The following CADM2 variants were observed in gnomAD, a reference collection of about 807,000 sequenced individuals.
The protein encoded by CADM2 is cell adhesion molecule 2, also known as immunoglobulin superfamily member 4D.
CADM2 carries 12 observed loss-of-function variants against 49.8 expected under a neutral mutation model. The ratio of observed to expected loss-of-function variants is 0.24; its 90% confidence interval spans 0.15 to 0.39. The LOEUF is 0.39. Ranked by LOEUF, CADM2 falls within the 10% of genes least tolerant of loss-of-function variation. CADM2 has a pLI of 1.00. For missense variants in CADM2, 378 were observed against 492.3 expected (o/e 0.77, Z 2.20); for synonymous variants, 214 against 175.4 (o/e 1.22, Z -1.74).
At chr3:85,904,624 A>G (rs971642333) in intron 5 of CADM2, among the ~76,000 whole-genome samples, 3 of 152,132 alleles carry the variant, frequency 2.0e-5, no homozygotes, top group African/African-American at 7.2e-5. Context: ...GACCTTAAAT[A>G]TGTATGTGTG....
intron 1 of CADM2, among the ~76,000 whole-genome samples, chr3:85,347,348 C>G (rs952229979): frequency 6.9e-6 from 1 of 145,734 alleles, no homozygotes; most frequent in Admixed American, 6.9e-5. Context: ...GAAGCAAAAT[C>G]AAATAAAAAA....
At chr3:85,351,358 G>T (rs767311089) in intron 1 of CADM2, among the ~76,000 whole-genome samples, 2 of 152,108 alleles carry the variant, frequency 1.3e-5, no homozygotes, top group Admixed American at 6.6e-5. Context: ...GACATTAAAA[G>T]GATATCACAT....
rs137952199 is a variant in CADM2, at chr3:85,467,611, TA to T, written c.62-258901del. 4.1e-4 allele frequency among the ~76,000 whole-genome samples: 61 copies of T among 147,666 alleles called. 1 individual carries two copies. The highest frequency in any genetic ancestry group is 1.2e-3 in the African/African-American group (47 of 40,438). On this transcript the variant is annotated intron_variant, in intron 1 of 9. Transcript: ENST00000383699. ...AGGACATAAAAATTAAAAGGCTAAT[TA>T]AAAAAAAAACACTCTGTTAACTTTT...
rs553404908 is a variant in CADM2 at position 85,127,619 on chromosome 3, C to T, written c.61+167951C>T. On this transcript the variant is annotated intron_variant, in intron 1 of 9. Coordinates refer to ENST00000383699, the MANE Select transcript of CADM2 (RefSeq NM_001167675.2). ...TGGAGAAAATCAAACAATGCTTTTT[C>T]CTTTTAAAATTTCTTATGTTTGATA... is the stretch of plus-strand genomic sequence containing the variant. 9.2e-5 allele frequency among the ~76,000 whole-genome samples: 14 copies of T among 152,146 alleles called. No individual in the cohort carries two copies. The South Asian group carries it at 2.7e-3, about 29-fold the overall frequency.
chr3:85,590,438 T>C (rs1576881042), intron 1 of CADM2, among the ~76,000 whole-genome samples: 1 of 152,054 alleles, frequency 6.6e-6, no homozygotes, highest in Non-Finnish European at 1.5e-5. Context: ...AAAAAATCAT[T>C]AGGACAGGTA....
At chr3:85,702,299 C>CT (rs929636223) in intron 1 of CADM2, among the ~76,000 whole-genome samples, 9 of 152,034 alleles carry the variant, frequency 5.9e-5, no homozygotes, top group African/African-American at 2.2e-4. Context: ...GGCACCAATT[C>CT]TTTTTTTATT....
At chr3:85,545,706 A>T (rs11127902) in intron 1 of CADM2, among the ~76,000 whole-genome samples, 3 of 151,940 alleles carry the variant, frequency 2.0e-5, no homozygotes, top group Admixed American at 2.0e-4. Context: ...ACCCTGCTGC[A>T]CTCTGAAACA....
At chr3:85,566,391 A>G (rs977692605) in intron 1 of CADM2, among the ~76,000 whole-genome samples, 1 of 152,074 alleles carries the variant, frequency 6.6e-6, no homozygotes, top group Non-Finnish European at 1.5e-5. Context: ...TCTTTTTTTA[A>G]GAAGTGCTTT....
At chr3:86,014,651 A>C (rs748808256) in intron 8 of CADM2, 1 of 1,574,918 alleles carries the variant, frequency 6.3e-7, no homozygotes, top group Non-Finnish European at 8.7e-7. Context: ...TTAAATGCTT[A>C]TCTCTGGTAC....
rs1194309601 is a variant in CADM2, at chr3:85,769,529, GTA to G, written c.89-32511_89-32510del. ...TATATATACACGTATATACATATATGTATATATACACGTATATACATATATGT... is the reference window on the plus strand; with the variant it reads ...TATATATACACGTATATACATATATGTATATACACGTATATACATATATGT... On this transcript the variant is annotated intron_variant, in intron 2 of 9. Transcript: ENST00000383699. Among the ~76,000 whole-genome samples the G allele has an allele frequency of 4.2e-5, 4 of 94,380 alleles. 1 individual carries two copies. Among genetic ancestry groups the G allele is most frequent in the African/African-American group, 1.9e-4 (3 of 15,886 alleles). 61.9% of individuals were successfully genotyped at this position (94,380 alleles called of 152,430 possible).
At chr3:85,796,742 C>CA (rs1226451972) in intron 2 of CADM2, among the ~76,000 whole-genome samples, 1 of 151,968 alleles carries the variant, frequency 6.6e-6, no homozygotes, top group Non-Finnish European at 1.5e-5. Context: ...AGTGGGGGAA[C>CA]AGCGCTTATC....
At chr3:85,824,374 C>T (rs1284947915) in intron 3 of CADM2, among the ~76,000 whole-genome samples, 1 of 151,816 alleles carries the variant, frequency 6.6e-6, no homozygotes, top group Non-Finnish European at 1.5e-5. Flanking sequence ...TTAGTGTAAA[C>T]TTGTGTGGGA....
intron 1 of CADM2, among the ~76,000 whole-genome samples, chr3:85,399,198 T>C (rs2034956510): frequency 6.6e-6 from 1 of 152,218 alleles, no homozygotes; most frequent in African/African-American, 2.4e-5. Flanking sequence ...ACTTTCAGCT[T>C]TCTACATATG....
chr3:85,165,453 T>C (rs1455409766), intron 1 of CADM2, among the ~76,000 whole-genome samples: 1 of 151,964 alleles, frequency 6.6e-6, no homozygotes, highest in African/African-American at 2.4e-5. Flanking sequence ...TATTCCACTT[T>C]AGGCTTCACT....
At chr3:85,047,461 T>C (rs1262685620) in intron 1 of CADM2, among the ~76,000 whole-genome samples, 1 of 152,160 alleles carries the variant, frequency 6.6e-6, no homozygotes, top group Non-Finnish European at 1.5e-5. Flanking sequence ...ACTTCTCATA[T>C]AAATTTACAT....
At chr3:85,461,615 A>C (rs899166078) in intron 1 of CADM2, among the ~76,000 whole-genome samples, 2 of 151,804 alleles carry the variant, frequency 1.3e-5, no homozygotes, top group Non-Finnish European at 2.9e-5. Context: ...CCAAATTGTC[A>C]CAGCAACCCC....
intron 1 of CADM2, among the ~76,000 whole-genome samples, chr3:85,670,578 T>G (rs1258556269): frequency 6.6e-6 from 1 of 152,040 alleles, no homozygotes; most frequent in Non-Finnish European, 1.5e-5. Context: ...CAAATCAAAT[T>G]CAACTTCTCA....
intron 2 of CADM2, among the ~76,000 whole-genome samples, chr3:85,745,456 A>G (rs920368657): frequency 6.6e-6 from 1 of 152,144 alleles, no homozygotes; most frequent in African/African-American, 2.4e-5. Context: ...TGACACAACA[A>G]ATAAATGGAT....
At chr3:85,212,892 C>CTTTTTT (rs2041833005) in intron 1 of CADM2, among the ~76,000 whole-genome samples, 1 of 110,180 alleles carries the variant, frequency 9.1e-6, no homozygotes, top group African/African-American at 5.0e-5. Flanking sequence ...CTTTCTCTTT[C>CTTTTTT]TTTCTTTTAA....
Sources: gnomAD v4.1 joint callset for allele counts (sites outside exome capture counted in the v4.1 genomes callset) on GRCh38, gnomAD v4.1.1 for gene constraint, MANE v1.5 for transcripts, NCBI Gene and HGNC (gene_info 2026-07-23, HGNC 2026-07-21) for gene names.